The following RBM47 variants were observed in gnomAD, a reference collection of about 807,000 sequenced individuals.
RBM47 encodes the protein RNA binding motif protein 47, also known as RNA-binding protein 47.
In RBM47, 21 loss-of-function variants were observed where a neutral mutation model predicts 47.1. The observed-to-expected ratio is 0.45, with a 90% CI of 0.32 to 0.64. RBM47 has a LOEUF of 0.64. RBM47 is among the 30% of genes least tolerant of loss of function. The pLI, the probability that RBM47 is intolerant of heterozygous loss-of-function variation, is 0.05. For synonymous variants in RBM47, 375 were observed against 361.7 expected (o/e 1.04, Z -0.42); for missense variants, 708 against 870.9 (o/e 0.81, Z 2.35).
At chr4:40,505,684 G>T (rs1292368160) in intron 2 of RBM47, among the ~76,000 whole-genome samples, 1 of 151,074 alleles carries the variant, frequency 6.6e-6, no homozygotes, top group Non-Finnish European at 1.5e-5. Flanking sequence ...TCAGGAGTTC[G>T]AGACTAGCCT....
intron 3 of RBM47, among the ~76,000 whole-genome samples, chr4:40,458,076 T>C (rs1038602580): frequency 6.6e-6 from 1 of 152,242 alleles, no homozygotes; most frequent in African/African-American, 2.4e-5. Flanking sequence ...TGAAACTATA[T>C]TAGTAGTTTG....
At chr4:40,514,283 A>C (rs1284289625) in intron 2 of RBM47, among the ~76,000 whole-genome samples, 2 of 151,898 alleles carry the variant, frequency 1.3e-5, no homozygotes, top group Non-Finnish European at 2.9e-5. Context: ...TAGGTTTTCC[A>C]CTTACTCTCC....
intron 2 of RBM47, among the ~76,000 whole-genome samples, chr4:40,493,216 C>T (rs1722129195): frequency 6.6e-6 from 1 of 152,116 alleles, no homozygotes; most frequent in African/African-American, 2.4e-5. Flanking sequence ...CTGAATGACA[C>T]ATGTAGACTG....
chr4:40,435,904 A>T (rs1252305066), intron 5 of RBM47, among the ~76,000 whole-genome samples: 2 of 150,988 alleles, frequency 1.3e-5, no homozygotes, highest in Non-Finnish European at 1.5e-5. Flanking sequence ...CACTCCTCTA[A>T]TCCCAGCACT....
intron 2 of RBM47, among the ~76,000 whole-genome samples, chr4:40,472,248 A>G (rs1403150620): frequency 6.6e-6 from 1 of 152,216 alleles, no homozygotes; most frequent in Non-Finnish European, 1.5e-5. Flanking sequence ...TTTAATGCCA[A>G]GCATATAAAT....
chr4:40,601,054 T>C (rs1735242699), intron 1 of RBM47, among the ~76,000 whole-genome samples: 1 of 146,786 alleles, frequency 6.8e-6, no homozygotes, highest in Admixed American at 6.9e-5. Flanking sequence ...AGTCACAGCC[T>C]CAAGTGCCTC....
intron 1 of RBM47, among the ~76,000 whole-genome samples, chr4:40,580,516 T>C (rs1471490599): frequency 6.6e-6 from 1 of 152,172 alleles, no homozygotes. Context: ...GAAAGCCCGA[T>C]GACCACAGCA....
chr4:40,444,056 G>A (rs535292088), intron 3 of RBM47, among the ~76,000 whole-genome samples: 3 of 152,094 alleles, frequency 2.0e-5, no homozygotes, highest in Admixed American at 6.6e-5. Flanking sequence ...AAAATTAGCC[G>A]GGCATGGTGG....
chr4:40,619,149 A>G (rs1418183677), intron 1 of RBM47, among the ~76,000 whole-genome samples: 1 of 152,048 alleles, frequency 6.6e-6, no homozygotes, highest in African/African-American at 2.4e-5. Flanking sequence ...CAACCCCTGG[A>G]CAGGCGCAGT....
At chr4:40,618,437 A>G (rs1736940069) in intron 1 of RBM47, among the ~76,000 whole-genome samples, 1 of 152,058 alleles carries the variant, frequency 6.6e-6, no homozygotes, top group South Asian at 2.1e-4. Flanking sequence ...ATAAAATAAA[A>G]TAAGAAATAC....
chr4:40,608,597 G>A (rs568699897), intron 1 of RBM47, among the ~76,000 whole-genome samples: 1 of 152,318 alleles, frequency 6.6e-6, no homozygotes, highest in East Asian at 1.9e-4. Flanking sequence ...CAATGAGAGT[G>A]AAACAAGCTT....
intron 2 of RBM47, among the ~76,000 whole-genome samples, chr4:40,502,986 CAAAAAAA>C (rs35856007): frequency 3.5e-5 from 3 of 86,482 alleles, no homozygotes; most frequent in African/African-American, 4.6e-5. Flanking sequence ...CCTGTCTGTA[CAAAAAAA>C]AAAAAAAAAA....
intron 1 of RBM47, among the ~76,000 whole-genome samples, chr4:40,589,630 G>A (rs1164976677): frequency 4.6e-5 from 7 of 151,916 alleles, no homozygotes; most frequent in Non-Finnish European, 1.0e-4. Context: ...GTAGAGACGG[G>A]GTTTCACCAT....
At chr4:40,508,420 C>A (rs934345155) in intron 2 of RBM47, among the ~76,000 whole-genome samples, 1 of 152,136 alleles carries the variant, frequency 6.6e-6, no homozygotes, top group African/African-American at 2.4e-5. Flanking sequence ...AAAGAGCTGG[C>A]ACAGATAGGG....
chr4:40,423,709 TTTCTTTTCTTTC>T lies in RBM47; in HGVS notation c.*2183_*2194del, dbSNP rs1322628419. 1.3e-5 allele frequency: 1 copy of T among 78,280 alleles called. No homozygotes were observed. The highest frequency in any genetic ancestry group is 9.4e-5 in the African/African-American group (1 of 10,606). 4.8% of individuals were successfully genotyped at this position (78,280 alleles called of 1,614,324 possible). On this transcript the variant is annotated 3_prime_UTR_variant, in exon 7 of 7. Transcript: ENST00000295971. ...CTTTCTTTCTTTCTTTCTTTCTTTC[TTTCTTTTCTTTC>T]TTTTCTTTCTTCCTCTTCTTCTTCT...
At chr4:40,570,153 T>C (rs541366654) in intron 1 of RBM47, among the ~76,000 whole-genome samples, 1 of 152,146 alleles carries the variant, frequency 6.6e-6, no homozygotes, top group East Asian at 1.9e-4. Context: ...AATTTTTCCA[T>C]GGTGGATAGG....
At chr4:40,445,610 A>G (rs1714425935) in intron 3 of RBM47, among the ~76,000 whole-genome samples, 1 of 152,212 alleles carries the variant, frequency 6.6e-6, no homozygotes, top group African/African-American at 2.4e-5. Flanking sequence ...TTACGCTTCA[A>G]ATGCCAAATA....
At position 40,493,123 on chromosome 4, in the gene RBM47, T is replaced by C. The variant is rs951837344; in HGVS notation, c.-154-26424A>G. On this transcript the variant is annotated intron_variant, in intron 2 of 6. Coordinates refer to ENST00000295971, the MANE Select transcript of RBM47 (RefSeq NM_001098634.2). ...CCCAGGCAAGCCTACGATGTCAACTTTGTCAAATGAAGATCACATAATACC... is the reference window on the plus strand; with the variant it reads ...CCCAGGCAAGCCTACGATGTCAACTCTGTCAAATGAAGATCACATAATACC... 3.9e-5 allele frequency among the ~76,000 whole-genome samples: 6 copies of C among 152,132 alleles called. No individual in the cohort carries two copies. In the South Asian group the frequency reaches 1.2e-3, roughly 32 times the overall value.
At chr4:40,599,046 G>A (rs953718005) in intron 1 of RBM47, among the ~76,000 whole-genome samples, 4 of 151,986 alleles carry the variant, frequency 2.6e-5, no homozygotes, top group African/African-American at 9.7e-5. Context: ...CTTGAGGTCA[G>A]GAGTTCAAGA....
Sources: gnomAD v4.1 joint callset for allele counts (sites outside exome capture counted in the v4.1 genomes callset) on GRCh38, gnomAD v4.1.1 for gene constraint, MANE v1.5 for transcripts, NCBI Gene and HGNC (gene_info 2026-07-23, HGNC 2026-07-21) for gene names.